MAPK6: variants seen among roughly 807,000 people sequenced by gnomAD.
MAPK6 encodes the protein ERK-3.
Under a neutral mutation model 59.3 loss-of-function variants are expected in MAPK6, and 19 were observed. That is an observed-to-expected ratio of 0.32 (90% CI 0.22 to 0.47). MAPK6 has a LOEUF of 0.47. MAPK6 is among the 20% of genes least tolerant of loss of function. The pLI is 1.00. For missense variants in MAPK6, 724 were observed against 847.9 expected (o/e 0.85, Z 1.81); for synonymous variants, 316 against 290.3 (o/e 1.09, Z -0.90).
chr15:52,001,153 A>G (rs2057240822), intron 2 of MAPK6, among the ~76,000 whole-genome samples: 1 of 152,182 alleles, frequency 6.6e-6, no homozygotes, highest in Admixed American at 6.5e-5. Context: ...TGCAGTGTTC[A>G]GCCTCTTGCC....
At chr15:52,051,097 A>G (rs1322095665) in intron 3 of MAPK6, among the ~76,000 whole-genome samples, 8 of 151,662 alleles carry the variant, frequency 5.3e-5, no homozygotes, top group Middle Eastern at 3.4e-3. Context: ...TTGCTCTGTC[A>G]CCCAGGCTGG....
intron 2 of MAPK6, among the ~76,000 whole-genome samples, chr15:52,048,530 T>C (rs2141091344): frequency 6.6e-6 from 1 of 152,138 alleles, no homozygotes; most frequent in South Asian, 2.1e-4. Context: ...AGCAGGAGAA[T>C]CCAGGAGGTG....
At chr15:51,972,571 C>T (rs895365644) in intron 1 of MAPK6, among the ~76,000 whole-genome samples, 3 of 150,636 alleles carry the variant, frequency 2.0e-5, no homozygotes, top group Non-Finnish European at 4.4e-5. Flanking sequence ...CGCCTGTAAT[C>T]CCAGCACTTT....
Position 52,058,809 on chromosome 15 carries a change from CGA to C in MAPK6, c.865+16_865+17del. 1 of 1,600,854 alleles carries C rather than the reference CGA, an allele frequency of 6.2e-7. No individual in the cohort carries two copies. The highest frequency in any genetic ancestry group is 8.5e-7 in the Non-Finnish European group (1 of 1,172,166). On this transcript the variant is annotated intron_variant, in intron 4 of 5. Transcript: ENST00000261845. ...AATTAGTCGAGAAGGTATTGTGACT[CGA>C]GAGTAACCCTCACGTTAATGCCTGT...
chr15:52,058,594 A>G lies in MAPK6; in HGVS notation c.701-39A>G, dbSNP rs552834666. On this transcript the variant is annotated intron_variant, in intron 3 of 5. Coordinates refer to ENST00000261845, the MANE Select transcript of MAPK6 (RefSeq NM_002748.4). ...TATGTTTATTGTGAAATAAGTAAAC[A>G]TTGAGGAATGTGTTTTTTTGTTTGT... The G allele has an allele frequency of 5.9e-6, 9 of 1,527,514 alleles. No individual in the cohort carries two copies. In the South Asian group the frequency reaches 9.9e-5, roughly 17 times the overall value. 94.6% of individuals were successfully genotyped at this position (1,527,514 alleles called of 1,614,324 possible).
chr15:52,050,377 A>G (rs1479995601), intron 3 of MAPK6, among the ~76,000 whole-genome samples: 2 of 152,224 alleles, frequency 1.3e-5, no homozygotes, highest in Non-Finnish European at 2.9e-5. Flanking sequence ...TTGTGGACCC[A>G]TAATACTTGT....
chr15:52,023,707 G>A (rs1429576465), intron 1 of MAPK6, among the ~76,000 whole-genome samples: 4 of 152,230 alleles, frequency 2.6e-5, no homozygotes, highest in African/African-American at 9.6e-5. Flanking sequence ...CACCTCCTAG[G>A]TTCAAGCGAT....
intron 2 of MAPK6, among the ~76,000 whole-genome samples, chr15:51,998,192 T>C (rs1467571914): frequency 1.3e-5 from 2 of 151,934 alleles, no homozygotes; most frequent in African/African-American, 4.8e-5. Flanking sequence ...TCCACCCGCC[T>C]TGGACTCCCA....
chr15:52,061,616 TG>T, intron 5 of MAPK6, 116 bp downstream of exon 5: 3 of 812,360 alleles, frequency 3.7e-6, no homozygotes, highest in Non-Finnish European at 5.7e-6. Flanking sequence ...AATTTAGTAA[TG>T]TAAAGATACA....
At chr15:51,989,760 T>C (rs893323191) in intron 2 of MAPK6, among the ~76,000 whole-genome samples, 13 of 151,972 alleles carry the variant, frequency 8.6e-5, no homozygotes, top group African/African-American at 2.9e-4. Flanking sequence ...CCACCATACC[T>C]GGCTAATTTT....
intron 3 of MAPK6, 36 bp downstream of exon 3, chr15:52,050,173 A>T (rs779789788): frequency 7.0e-6 from 11 of 1,575,484 alleles, no homozygotes; most frequent in Non-Finnish European, 8.6e-6. Context: ...TTTCCCAAAG[A>T]GAAGTAATTT....
intron 2 of MAPK6, among the ~76,000 whole-genome samples, chr15:51,983,867 C>G (rs1226003535): frequency 6.6e-6 from 1 of 151,902 alleles, no homozygotes; most frequent in East Asian, 1.9e-4. Flanking sequence ...TATTATCTAT[C>G]TAAACTGTAA....
At chr15:52,004,979 C>T (rs2057253659) in intron 3 of MAPK6, among the ~76,000 whole-genome samples, 1 of 152,196 alleles carries the variant, frequency 6.6e-6, no homozygotes, top group Non-Finnish European at 1.5e-5. Context: ...TGTGTTTGAC[C>T]TTCTTCCTTT....
rs368550089 is a variant in MAPK6, at chr15:52,025,781, A to G, written c.-632+6405A>G. 3.0e-4 allele frequency among the ~76,000 whole-genome samples: 46 copies of G among 152,068 alleles called. 5 individuals are homozygous for G. Among genetic ancestry groups the G allele is most frequent in the South Asian group, 2.1e-3 (10 of 4,824 alleles). On this transcript the variant is annotated intron_variant, in intron 1 of 5. Transcript: ENST00000261845. ...CCAGTCTGGGTGACAGAGCAAGACT[A>G]CGTCTCAAAAAAAAATAAAAATAGT...
intron 1 of MAPK6, among the ~76,000 whole-genome samples, chr15:52,043,454 C>T (rs994549929): frequency 2.6e-5 from 4 of 151,904 alleles, no homozygotes; most frequent in Admixed American, 6.6e-5. Context: ...CCTATCACCA[C>T]GCTGGGCTGA....
chr15:52,066,382 C>G lies in MAPK6; in HGVS notation c.*1382C>G, dbSNP rs1021430018. 2 of 152,168 alleles carry G rather than the reference C, an allele frequency of 1.3e-5. No individual in the cohort carries two copies. Among genetic ancestry groups the G allele is most frequent in the African/African-American group, 4.8e-5 (2 of 41,446 alleles). 9.4% of individuals were successfully genotyped at this position (152,168 alleles called of 1,614,324 possible). A position where few individuals can be genotyped will look rare whatever the true frequency, so the allele number is the denominator to read the frequency against. Reference sequence around the variant, plus strand: ...TCTGAAAGGCTGAGAAGGTTCAAGTCTTTTGACTTAAACCATCACATATTA... The same window carrying G: ...TCTGAAAGGCTGAGAAGGTTCAAGTGTTTTGACTTAAACCATCACATATTA... On this transcript the variant is annotated 3_prime_UTR_variant, in exon 6 of 6. Transcript: ENST00000261845.
intron 1 of MAPK6, among the ~76,000 whole-genome samples, chr15:52,029,388 ACTC>A (rs2030940346): frequency 6.7e-6 from 1 of 149,578 alleles, no homozygotes; most frequent in Non-Finnish European, 1.5e-5. Flanking sequence ...ACAGGATAAA[ACTC>A]CTGGGTTTTT....
upstream of MAPK6, among the ~76,000 whole-genome samples, chr15:52,018,470 CATAA>C (rs1157029913): frequency 9.9e-5 from 15 of 152,204 alleles, no homozygotes. Flanking sequence ...TCTCTAATTT[CATAA>C]ATACTTAAAT....
chr15:51,981,863 A>T (rs2057174584), intron 1 of MAPK6, among the ~76,000 whole-genome samples: 2 of 152,200 alleles, frequency 1.3e-5, no homozygotes, highest in African/African-American at 4.8e-5. Context: ...CAGAAAAGAT[A>T]TCAAAGAAAC....
Sources: allele counts gnomAD v4.1 joint callset (sites outside exome capture counted in the v4.1 genomes callset), GRCh38; gene constraint gnomAD v4.1.1; transcripts MANE v1.5; gene names NCBI Gene and HGNC (gene_info 2026-07-23, HGNC 2026-07-21).